ATE1: variants seen among roughly 807,000 people sequenced by gnomAD.
ATE1 encodes arginyl-tRNA--protein transferase 1.
Under a neutral mutation model 70.5 loss-of-function variants are expected in ATE1, and 36 were observed. The ratio of observed to expected loss-of-function variants is 0.51; its 90% CI spans 0.39 to 0.67. The LOEUF (loss-of-function observed/expected upper bound fraction) is 0.67. Ranked by LOEUF, ATE1 falls within the 30% of genes least tolerant of loss-of-function variation. The pLI is 0.00. For synonymous variants in ATE1, 232 were observed against 219.3 expected (o/e 1.06, Z -0.51); for missense variants, 593 against 629.5 (o/e 0.94, Z 0.62).
At chr10:121,925,808 G>A (rs974580291) in intron 1 of ATE1, among the ~76,000 whole-genome samples, 1 of 151,870 alleles carries the variant, frequency 6.6e-6, no homozygotes, top group African/African-American at 2.4e-5. Flanking sequence ...TTGAGACCAG[G>A]AATTTGAGAT....
chr10:121,798,977 A>C (rs1339347211), intron 10 of ATE1, among the ~76,000 whole-genome samples: 2 of 151,906 alleles, frequency 1.3e-5, no homozygotes, highest in Non-Finnish European at 2.9e-5. Context: ...ATAAAATAGT[A>C]GTGATGAACT....
chr10:121,854,913 G>C (rs1361070872), intron 8 of ATE1, among the ~76,000 whole-genome samples: 1 of 152,092 alleles, frequency 6.6e-6, no homozygotes, highest in African/African-American at 2.4e-5. Flanking sequence ...GTACACGGTG[G>C]GTTCCACGGG....
At chr10:121,911,371 G>A (rs369548440) in intron 4 of ATE1, among the ~76,000 whole-genome samples, 1 of 151,502 alleles carries the variant, frequency 6.6e-6, no homozygotes, top group Non-Finnish European at 1.5e-5. Context: ...GCCAACACAG[G>A]AGGACTGCTT....
chr10:121,789,376 GA>G (rs756569354), intron 11 of ATE1, among the ~76,000 whole-genome samples: 48 of 134,312 alleles, frequency 3.6e-4, no homozygotes, highest in Non-Finnish European at 6.7e-4. Flanking sequence ...TCAGCTCACT[GA>G]AACCTCCACC....
At chr10:121,927,781 G>A in intron 1 of ATE1, 63 bp downstream of exon 1, 1 of 1,503,120 alleles carries the variant, frequency 6.7e-7, no homozygotes, top group African/African-American at 1.4e-5. Flanking sequence ...CCTCGCTGGG[G>A]GACCCTGGGA....
Position 121,913,906 on chromosome 10 carries a change from A to C in ATE1, c.234-13T>G. 3 of 1,591,984 alleles carry C rather than the reference A, an allele frequency of 1.9e-6. No individual in the cohort carries two copies. The highest frequency in any genetic ancestry group is 2.6e-6 in the Non-Finnish European group (3 of 1,164,862). On this transcript the variant is annotated splice_polypyrimidine_tract_variant and intron_variant, in intron 3 of 11. Transcript: ENST00000224652. ...TAAAGGTCGGCACCTAGGAAAGCAA[A>C]ATAAATATTTAAAAAGTGAACTCAA...
At position 121,813,967 on chromosome 10, in the gene ATE1, T is replaced by G. The variant is rs569860864; in HGVS notation, c.1257+22751A>C. On this transcript the variant is annotated intron_variant, in intron 10 of 11. Transcript: ENST00000224652. ...TCTCAGATCCATGTTTATGAAGCCC[T>G]AATCTCTTCAGCAGAGTCTATGGGA... Among the ~76,000 whole-genome samples the G allele has an allele frequency of 5.3e-5, 8 of 152,304 alleles. No individual in the cohort carries two copies. The East Asian group carries it at 1.2e-3, about 22-fold the overall frequency.
intron 5 of ATE1, among the ~76,000 whole-genome samples, chr10:121,906,220 C>G (rs1951183819): frequency 1.3e-5 from 2 of 152,072 alleles, no homozygotes; most frequent in Non-Finnish European, 2.9e-5. Flanking sequence ...ATAGCAAGAC[C>G]TCATCTCTAC....
At chr10:121,899,555 G>C (rs887451369) in intron 7 of ATE1, among the ~76,000 whole-genome samples, 3 of 152,120 alleles carry the variant, frequency 2.0e-5, no homozygotes, top group Non-Finnish European at 4.4e-5. Flanking sequence ...ATAGTTTCCT[G>C]AGTTTTCCTC....
At chr10:121,823,153 G>A (rs904896595) in intron 10 of ATE1, among the ~76,000 whole-genome samples, 5 of 152,074 alleles carry the variant, frequency 3.3e-5, no homozygotes, top group Admixed American at 6.6e-5. Context: ...AGCCAGGCAC[G>A]GTGGCGGGCG....
intron 7 of ATE1, among the ~76,000 whole-genome samples, chr10:121,886,526 G>A (rs907788315): frequency 9.9e-5 from 15 of 152,094 alleles, no homozygotes; most frequent in African/African-American, 3.1e-4. Flanking sequence ...TCCAACCTGC[G>A]CCCTAAGCTT....
chr10:121,856,342 C>G (rs904138869), intron 8 of ATE1, among the ~76,000 whole-genome samples: 1 of 151,142 alleles, frequency 6.6e-6, no homozygotes, highest in African/African-American at 2.4e-5. Flanking sequence ...CCAGCCTGGC[C>G]AAAAAGAAGA....
intron 3 of ATE1, among the ~76,000 whole-genome samples, chr10:121,920,617 C>T (rs1332191755): frequency 6.6e-6 from 1 of 151,958 alleles, no homozygotes; most frequent in Non-Finnish European, 1.5e-5. Flanking sequence ...TGAGAAGGTA[C>T]ATGGAAAATC....
In ATE1 at chr10:121,861,655, C is replaced by T. The variant is rs547936574; in HGVS notation, c.975+8351G>A. On this transcript the variant is annotated intron_variant, in intron 8 of 11. Coordinates refer to ENST00000224652, the MANE Select transcript of ATE1 (RefSeq NM_001001976.3). ...GGGAGATATACCTAATGCTAGATGA[C>T]GAGTTAGTGGGTGCAGCGCACCAGC... Among the ~76,000 whole-genome samples, 1,075 of 148,088 alleles carry T rather than the reference C, an allele frequency of 7.3e-3. 20 individuals are homozygous for T. The highest frequency in any genetic ancestry group is 0.026 in the African/African-American group (1,026 of 39,916).
intron 5 of ATE1, among the ~76,000 whole-genome samples, chr10:121,905,759 C>A (rs1951164437): frequency 6.6e-6 from 1 of 152,046 alleles, no homozygotes. Context: ...GCAGGAGAAT[C>A]GCTCAAACCC....
At chr10:121,763,389 C>A (rs578001619) in intron 11 of ATE1, among the ~76,000 whole-genome samples, 4 of 152,234 alleles carry the variant, frequency 2.6e-5, no homozygotes, top group Admixed American at 6.5e-5. Context: ...CAGATCAACT[C>A]TGGTACTATA....
chr10:121,760,833 T>C (rs371883403), intron 11 of ATE1, among the ~76,000 whole-genome samples: 7 of 152,350 alleles, frequency 4.6e-5, no homozygotes, highest in African/African-American at 1.4e-4. Flanking sequence ...AGTTAACTGA[T>C]GCAGTACAGT....
At chr10:121,782,389 T>A (rs1378778081) in intron 11 of ATE1, 2 of 152,268 alleles carry the variant, frequency 1.3e-5, no homozygotes, top group Admixed American at 1.3e-4. Context: ...GATGAACAGC[T>A]TGATGATATC....
At chr10:121,882,057 A>G (rs1382730564) in intron 7 of ATE1, among the ~76,000 whole-genome samples, 1 of 152,158 alleles carries the variant, frequency 6.6e-6, no homozygotes, top group Non-Finnish European at 1.5e-5. Flanking sequence ...CGGCCTCCCA[A>G]AGAGCTAGGA....
Sources: allele counts gnomAD v4.1 joint callset (sites outside exome capture counted in the v4.1 genomes callset), GRCh38; gene constraint gnomAD v4.1.1; transcripts MANE v1.5; gene names NCBI Gene and HGNC (gene_info 2026-07-23, HGNC 2026-07-21).